BEST3: variants seen among roughly 807,000 people sequenced by gnomAD.
BEST3 encodes the protein bestrophin-3.
Under a neutral mutation model 47.1 loss-of-function variants are expected in BEST3, and 50 were observed. That is an observed-to-expected ratio of 1.06 (90% CI 0.85 to 1.34). The LOEUF (loss-of-function observed/expected upper bound fraction) is 1.34. BEST3 is among the 40% of genes most tolerant of loss of function. The probability of loss-of-function intolerance (pLI) is 0.00; values close to 1 mark genes in which losing one functional copy is unlikely to be tolerated. For synonymous variants in BEST3, 282 were observed against 298.8 expected (o/e 0.94, Z 0.58); for missense variants, 765 against 817.0 (o/e 0.94, Z 0.78).
At position 69,653,915 on chromosome 12, in the gene BEST3, A is replaced by C. The variant is rs1412946576; in HGVS notation, c.*992T>G. On this transcript the variant is annotated 3_prime_UTR_variant, in exon 10 of 10. Coordinates refer to ENST00000330891, the MANE Select transcript of BEST3 (RefSeq NM_032735.3). ...AGTTCAAGTTAAACAGATGTGAGTC[A>C]TCTTATTCTTTGGTTCCATAGCATT... is the stretch of plus-strand genomic sequence containing the variant. The C allele has an allele frequency of 2.6e-5, 26 of 985,372 alleles. No homozygotes were observed. Among genetic ancestry groups the C allele is most frequent in the Non-Finnish European group, 3.1e-5 (26 of 829,952 alleles). The allele number at this position is 985,372 out of a possible 1,614,324, so 61.0% of individuals were successfully genotyped here. A position where few individuals can be genotyped will look rare whatever the true frequency, so the allele number is the denominator to read the frequency against.
chr12:69,687,613 A>G (rs1372621712), intron 4 of BEST3, among the ~76,000 whole-genome samples: 1 of 147,412 alleles, frequency 6.8e-6, no homozygotes, highest in African/African-American at 2.5e-5. Flanking sequence ...ACTGTAAGCT[A>G]TGACCGTGCT....
At chr12:69,652,428 T>C (rs183649403), downstream of BEST3, among the ~76,000 whole-genome samples, 72 of 152,314 alleles carry the variant, frequency 4.7e-4, 1 homozygote, top group Admixed American at 3.9e-3. Flanking sequence ...TAAAAACTCA[T>C]TTTAGAATTA....
rs371159662 is a variant in BEST3, at chr12:69,686,786, A to AAAAAAAG, written c.481+6887_481+6888insCTTTTTT. Among the ~76,000 whole-genome samples, 210 of 143,332 alleles carry AAAAAAAG rather than the reference A, an allele frequency of 1.5e-3. 3 individuals carry two copies. Among genetic ancestry groups the AAAAAAAG allele is most frequent in the African/African-American group, 5.3e-3 (201 of 37,818 alleles). 94.0% of individuals were successfully genotyped at this position (143,332 alleles called of 152,430 possible). A position where few individuals can be genotyped will look rare whatever the true frequency, so the allele number is the denominator to read the frequency against. ...GATTCTGCCTCAAAAAAACAAAAAAAAAAGAAAGAAAAGAAAAAAAGAAAG... is the reference window on the plus strand; with the variant it reads ...GATTCTGCCTCAAAAAAACAAAAAAAAAAAAAGAAAGAAAGAAAAGAAAAAAAGAAAG... On this transcript the variant is annotated intron_variant, in intron 4 of 9. Transcript: ENST00000330891.
intron 9 of BEST3, chr12:69,670,386 G>A (rs1227075528): frequency 1.0e-5 from 7 of 695,614 alleles, no homozygotes; most frequent in Admixed American, 2.0e-5. Context: ...GGGCAACAAG[G>A]CAAATCTCCT....
rs1395120038 is a variant in BEST3, at chr12:69,677,065, C to A, written c.718G>T (p.Val240Phe). 1 of 1,614,178 alleles carries A rather than the reference C, an allele frequency of 6.2e-7. No individual in the cohort carries two copies. Among genetic ancestry groups the A allele is most frequent in the Non-Finnish European group, 8.5e-7 (1 of 1,180,028 alleles). Residue 240 changes from valine to phenylalanine, a missense_variant, in exon 7 of 10, where the codon GTC becomes TTC. Coordinates refer to ENST00000330891, the MANE Select transcript of BEST3 (RefSeq NM_032735.3). ...AAGAAGGTATAGACAGCAAGAGTGA[C>A]AACCTGGAACAGAGAGAGACCAGAG... Reference protein sequence around the residue: ...VGIPLVYTQVVTLAVYTFFFA... With the variant: ...VGIPLVYTQVFTLAVYTFFFA...
At chr12:69,691,533 G>A (rs1012650416) in intron 4 of BEST3, among the ~76,000 whole-genome samples, 1 of 152,256 alleles carries the variant, frequency 6.6e-6, no homozygotes, top group Non-Finnish European at 1.5e-5. Flanking sequence ...GGTGGTTCAC[G>A]CCTGTAATCC....
chr12:69,672,746 C>T (rs902392641), intron 8 of BEST3, 139 bp downstream of exon 8: 2 of 619,346 alleles, frequency 3.2e-6, no homozygotes, highest in Non-Finnish European at 5.6e-6. Context: ...CCTGAGACAG[C>T]ACAGTGCACA....
downstream of BEST3, among the ~76,000 whole-genome samples, chr12:69,652,045 C>A (rs1392010931): frequency 6.6e-6 from 1 of 152,146 alleles, no homozygotes; most frequent in Non-Finnish European, 1.5e-5. Context: ...AGATAACAGC[C>A]TTCTTTGTTT....
Position 69,694,374 on chromosome 12 carries a change from C to A in BEST3, c.243G>T (p.Val81=), listed in dbSNP as rs1440316332. Residue 81 remains valine, a synonymous_variant, in exon 3 of 10, where the codon GTG becomes GTT. Coordinates refer to ENST00000330891, the MANE Select transcript of BEST3 (RefSeq NM_032735.3). The part of the protein sequence containing the change: ...RYAEQIPVTF[V]LGFYVTLVVN... ...CTGCGTGTGACCTATACTTACCAAGCACAAAGGTTACTGGAATTTGTTCAG... is the reference window on the plus strand; with the variant it reads ...CTGCGTGTGACCTATACTTACCAAGAACAAAGGTTACTGGAATTTGTTCAG... The A allele has an allele frequency of 2.5e-6, 4 of 1,599,978 alleles. No individual in the cohort carries two copies. The highest frequency in any genetic ancestry group is 3.4e-6 in the Non-Finnish European group (4 of 1,171,476).
In BEST3 at chr12:69,654,687, G is replaced by C. The variant is rs929110626; in HGVS notation, c.*220C>G. ...AATCACTGTGGTCTGTGTAACTTCT[G>C]ATGAAAGCCATGTTGTGTTGGATGA... On this transcript the variant is annotated 3_prime_UTR_variant, in exon 10 of 10. Transcript: ENST00000330891. The C allele has an allele frequency of 7.6e-7, 1 of 1,309,186 alleles. No individual in the cohort carries two copies. The highest frequency in any genetic ancestry group is 1.5e-5 in the African/African-American group (1 of 67,998). The allele number at this position is 1,309,186 out of a possible 1,614,324, so 81.1% of individuals were successfully genotyped here. A position where few individuals can be genotyped will look rare whatever the true frequency, so the allele number is the denominator to read the frequency against.
chr12:69,670,408 C>T (rs776850371), intron 9 of BEST3: 19 of 701,314 alleles, frequency 2.7e-5, no homozygotes, highest in Admixed American at 1.8e-4. Flanking sequence ...GCTCCTAAAT[C>T]GTTCTCATTA....
chr12:69,696,350 A>C (rs1301794937), intron 2 of BEST3, among the ~76,000 whole-genome samples: 2 of 152,182 alleles, frequency 1.3e-5, no homozygotes. Flanking sequence ...GCTACATTGC[A>C]ACTGTACTAA....
chr12:69,686,708 G>T (rs1266807237), intron 4 of BEST3, among the ~76,000 whole-genome samples: 1 of 139,002 alleles, frequency 7.2e-6, no homozygotes, highest in Non-Finnish European at 1.5e-5. Flanking sequence ...GGAGGCAGAG[G>T]TTGCAGTGAG....
downstream of BEST3, among the ~76,000 whole-genome samples, chr12:69,648,959 C>T (rs1883126439): frequency 6.6e-6 from 1 of 152,180 alleles, no homozygotes; most frequent in African/African-American, 2.4e-5. Context: ...CACAGTCTAG[C>T]AGCTTATTGG....
intron 9 of BEST3, among the ~76,000 whole-genome samples, chr12:69,658,571 A>G (rs1367877367): frequency 6.6e-6 from 1 of 152,238 alleles, no homozygotes; most frequent in Non-Finnish European, 1.5e-5. Context: ...CACTTATCAT[A>G]AACAATTTGT....
In BEST3 at chr12:69,671,391, C is replaced by G. The variant is rs1049092518; in HGVS notation, c.1100+37G>C. 8.3e-6 allele frequency: 13 copies of G among 1,564,592 alleles called. No homozygotes were observed. In the African/African-American group the frequency reaches 1.5e-4, roughly 18 times the overall value. On this transcript the variant is annotated intron_variant, in intron 9 of 9. Coordinates refer to ENST00000330891, the MANE Select transcript of BEST3 (RefSeq NM_032735.3). ...ACAAGGTCTCACTATGTTGCTCAGGCTGGAAAATATTAGAGATTTTTTAAA... is the reference window on the plus strand; with the variant it reads ...ACAAGGTCTCACTATGTTGCTCAGGGTGGAAAATATTAGAGATTTTTTAAA...
intron 4 of BEST3, chr12:69,689,155 T>C (rs1380222911): frequency 3.0e-6 from 3 of 985,380 alleles, no homozygotes; most frequent in Non-Finnish European, 2.4e-6. Flanking sequence ...TCCCTGAACT[T>C]CCTGTTCTTC....
At chr12:69,657,887 C>T (rs901807720) in intron 9 of BEST3, among the ~76,000 whole-genome samples, 5 of 152,196 alleles carry the variant, frequency 3.3e-5, no homozygotes, top group Admixed American at 1.3e-4. Flanking sequence ...TACCAGATAG[C>T]CTTCTGACCC....
Position 69,654,676 on chromosome 12 carries a change from G to A in BEST3, c.*231C>T. The stretch of plus-strand genomic sequence containing the variant: ...TTATTTGGCTAAATCACTGTGGTCT[G>A]TGTAACTTCTGATGAAAGCCATGTT... On this transcript the variant is annotated 3_prime_UTR_variant, in exon 10 of 10. Transcript: ENST00000330891. 1 of 1,297,188 alleles carries A rather than the reference G, an allele frequency of 7.7e-7. No individual in the cohort carries two copies. Among genetic ancestry groups the A allele is most frequent in the Non-Finnish European group, 9.8e-7 (1 of 1,022,798 alleles). 80.4% of individuals were successfully genotyped at this position (1,297,188 alleles called of 1,614,324 possible). A position where few individuals can be genotyped will look rare whatever the true frequency, so the allele number is the denominator to read the frequency against.
Sources: gnomAD v4.1 joint callset for allele counts (sites outside exome capture counted in the v4.1 genomes callset) on GRCh38, gnomAD v4.1.1 for gene constraint, MANE v1.5 for transcripts, NCBI Gene and HGNC (gene_info 2026-07-23, HGNC 2026-07-21) for gene names.